The following INSR variants were observed in gnomAD, a reference collection of about 807,000 sequenced individuals.
INSR encodes IR.
A neutral mutation model predicts 142.6 loss-of-function variants in INSR; 67 were observed. The observed-to-expected ratio is 0.47, with a 90% CI of 0.39 to 0.58. The LOEUF (loss-of-function observed/expected upper bound fraction) is 0.58, where lower values mean the gene tolerates loss of function less well. Among genes scored for constraint, INSR ranks in the 20% least tolerant of loss-of-function variants. The pLI is 0.00. For missense variants in INSR, 1,248 were observed against 1,833.2 expected (o/e 0.68, Z 5.83); for synonymous variants, 756 against 743.1 (o/e 1.02, Z -0.28).
intron 9 of INSR, among the ~76,000 whole-genome samples, chr19:7,153,227 C>T (rs1279718641): frequency 5.7e-3 from 4 of 700 alleles, no homozygotes; most frequent in Non-Finnish European, 0.011. Context: ...ACACACGCAC[C>T]ACACACACAC....
intron 9 of INSR, among the ~76,000 whole-genome samples, chr19:7,153,205 A>C (rs865999282): frequency 1.0e-4 from 6 of 57,962 alleles, no homozygotes; most frequent in South Asian, 6.6e-4. Context: ...CACCACACAC[A>C]CCACACACCA....
chr19:7,222,351 T>C (rs553438221), intron 2 of INSR, among the ~76,000 whole-genome samples: 2 of 152,214 alleles, frequency 1.3e-5, no homozygotes, highest in South Asian at 4.1e-4. Flanking sequence ...AGGTCTGACT[T>C]TTGACATGTG....
At chr19:7,235,971 CTT>C (rs34478636) in intron 2 of INSR, among the ~76,000 whole-genome samples, 113 of 129,844 alleles carry the variant, frequency 8.7e-4, no homozygotes, top group Admixed American at 1.5e-3. Context: ...CTGGCCTTTC[CTT>C]TTTTTTTTTT....
At chr19:7,179,549 G>C (rs1289293626) in intron 3 of INSR, among the ~76,000 whole-genome samples, 1 of 152,210 alleles carries the variant, frequency 6.6e-6, no homozygotes, top group Non-Finnish European at 1.5e-5. Flanking sequence ...TCTAAGCCTG[G>C]AGTTGGCAAA....
At chr19:7,117,963 G>A (rs1972378784) in intron 21 of INSR, among the ~76,000 whole-genome samples, 1 of 150,886 alleles carries the variant, frequency 6.6e-6, no homozygotes, top group Non-Finnish European at 1.5e-5. Context: ...ATGGAGTGCA[G>A]TGGCGCAATC....
chr19:7,133,444 T>C lies in INSR; in HGVS notation c.2683-1127A>G, dbSNP rs148418658. On this transcript the variant is annotated intron_variant, in intron 13 of 21. Coordinates refer to ENST00000302850, the MANE Select transcript of INSR (RefSeq NM_000208.4). ...CTATTCTTCTAGCCATTTTGCAATA[T>C]GTGTTATTAGCTATAGTCACCATTC... Among the ~76,000 whole-genome samples the C allele has an allele frequency of 6.3e-3, 959 of 152,342 alleles. 6 individuals are homozygous for C. The highest frequency in any genetic ancestry group is 0.021 in the African/African-American group (887 of 41,574).
chr19:7,195,653 A>AAAAT (rs138270962), intron 2 of INSR, among the ~76,000 whole-genome samples: 7,658 of 151,084 alleles, frequency 0.051, 510 homozygotes, highest in African/African-American at 0.16. Flanking sequence ...AAAAAAAATA[A>AAAAT]AAATAAATAA....
intron 2 of INSR, among the ~76,000 whole-genome samples, chr19:7,197,427 C>T (rs934577742): frequency 2.0e-5 from 3 of 152,140 alleles, no homozygotes; most frequent in Non-Finnish European, 4.4e-5. Flanking sequence ...AGATATACTG[C>T]GCACGCAGAG....
intron 1 of INSR, among the ~76,000 whole-genome samples, chr19:7,289,016 G>A (rs1195540804): frequency 6.6e-6 from 1 of 151,082 alleles, no homozygotes; most frequent in Non-Finnish European, 1.5e-5. Context: ...TCTGGGAAGA[G>A]AGAGCCAACA....
At chr19:7,206,248 G>A (rs1448052883) in intron 2 of INSR, among the ~76,000 whole-genome samples, 1 of 152,086 alleles carries the variant, frequency 6.6e-6, no homozygotes, top group East Asian at 1.9e-4. Context: ...GCTCACTGCA[G>A]CTTCTACCTC....
chr19:7,274,216 C>T (rs1449751259), intron 1 of INSR, among the ~76,000 whole-genome samples: 1 of 151,914 alleles, frequency 6.6e-6, no homozygotes, highest in Non-Finnish European at 1.5e-5. Context: ...GAGCAGGCAA[C>T]CTAGATCCCT....
intron 17 of INSR, 179 bp from the exon 18 acceptor site, chr19:7,123,168 AT>A (rs112479369): frequency 0.14 from 57,510 of 403,642 alleles, no homozygotes; most frequent in South Asian, 0.21. Context: ...AGGCCTTTGT[AT>A]TTTTTTTTTT....
chr19:7,123,830 G>T (rs888865386), intron 17 of INSR, among the ~76,000 whole-genome samples: 1 of 152,104 alleles, frequency 6.6e-6, no homozygotes, highest in Non-Finnish European at 1.5e-5. Flanking sequence ...GGCCGCGGCA[G>T]GAGAATTGCT....
intron 2 of INSR, among the ~76,000 whole-genome samples, chr19:7,244,488 G>A (rs1308295898): frequency 2.0e-5 from 3 of 149,140 alleles, no homozygotes; most frequent in Non-Finnish European, 4.4e-5. Flanking sequence ...AGCCGAGATC[G>A]TGCCACTACT....
At chr19:7,156,619 C>G (rs1381333624) in intron 9 of INSR, among the ~76,000 whole-genome samples, 2 of 151,850 alleles carry the variant, frequency 1.3e-5, no homozygotes, top group East Asian at 1.9e-4. Context: ...AGAAAAAACA[C>G]CAAGACAGAG....
In INSR at chr19:7,117,173, A is replaced by G. The variant is rs1347754201; in HGVS notation, c.4032T>C (p.Asp1344=). The change falls in exon 22 of 22, where the codon GAT becomes GAC. Residue 1344 remains aspartate, a synonymous_variant. Coordinates refer to ENST00000302850, the MANE Select transcript of INSR (RefSeq NM_000208.4). ...GCTTGAAACCCAGCGAGGACCCTCC[A>G]TCCCGGCCCCCCGCCTCCTCCCTCT... ...HCQREEAGGR[D]GGSSLGFKRS... The G allele has an allele frequency of 1.2e-6, 2 of 1,613,954 alleles. No homozygotes were observed. The highest frequency in any genetic ancestry group is 2.2e-5 in the East Asian group (1 of 44,880).
intron 8 of INSR, among the ~76,000 whole-genome samples, chr19:7,163,592 C>A (rs1218608431): frequency 2.0e-5 from 3 of 150,912 alleles, no homozygotes; most frequent in Admixed American, 6.6e-5. Flanking sequence ...AAAAAAAAAA[C>A]CACCACCAAC....
chr19:7,192,298 AAAAGAAAAG>A lies in INSR; in HGVS notation c.653-7670_653-7662del, dbSNP rs1174250298. Among the ~76,000 whole-genome samples, 264 of 122,690 alleles carry A rather than the reference AAAAGAAAAG, an allele frequency of 2.2e-3. 1 individual carries two copies. Among genetic ancestry groups the A allele is most frequent in the African/African-American group, 6.7e-3 (224 of 33,272 alleles). 80.5% of individuals were successfully genotyped at this position (122,690 alleles called of 152,430 possible). On this transcript the variant is annotated intron_variant, in intron 2 of 21. Transcript: ENST00000302850. The surrounding 1 kb of genome is among the most constrained non-coding windows in gnomAD (Gnocchi z 4.2). ...AAAAGAAAAGAAAAGAAAAGAAAAGAAAAGAAAAGAAAAAAATCACAGGCAGCCCAGGCT... is the reference window on the plus strand; with the variant it reads ...AAAAGAAAAGAAAAGAAAAGAAAAGAAAAAAAATCACAGGCAGCCCAGGCT...
chr19:7,290,777 A>G (rs1046722314), intron 1 of INSR, among the ~76,000 whole-genome samples: 63 of 149,368 alleles, frequency 4.2e-4, no homozygotes, highest in African/African-American at 1.5e-3. Flanking sequence ...AAAAAAAAAA[A>G]GAAAAAAAAA....
Sources: gnomAD v4.1 joint callset for allele counts (sites outside exome capture counted in the v4.1 genomes callset) on GRCh38, gnomAD v4.1.1 for gene constraint, Gnocchi (gnomAD v3.1) non-coding constraint, MANE v1.5 for transcripts, NCBI Gene and HGNC (gene_info 2026-07-23, HGNC 2026-07-21) for gene names.